The following TSHZ3 variants were observed in gnomAD, a reference collection of about 807,000 sequenced individuals.
The protein encoded by TSHZ3 is teashirt homolog 3.
In TSHZ3, 10 loss-of-function variants were observed where a neutral mutation model predicts 64.5. The ratio of observed to expected loss-of-function variants is 0.16; its 90% CI spans 0.10 to 0.26. The LOEUF (loss-of-function observed/expected upper bound fraction) is 0.26. TSHZ3 is among the 10% of genes least tolerant of loss of function. The pLI, the probability that TSHZ3 is intolerant of heterozygous loss-of-function variation, is 1.00. For synonymous variants in TSHZ3, 608 were observed against 593.1 expected, an observed-to-expected ratio of 1.03 and a Z score of -0.36; for missense variants, 1,242 against 1,421.7, an observed-to-expected ratio of 0.87 and a Z score of 2.03.
chr19:31,230,665 C>T (rs909212742), intron 3 of TSHZ3, among the ~76,000 whole-genome samples: 5 of 150,380 alleles, frequency 3.3e-5, no homozygotes, highest in African/African-American at 7.4e-5. Context: ...TCAGCAGCCC[C>T]ATCACTACCC....
intron 4 of TSHZ3, among the ~76,000 whole-genome samples, chr19:31,212,450 T>C (rs1975269961): frequency 6.6e-6 from 1 of 151,952 alleles, no homozygotes; most frequent in Non-Finnish European, 1.5e-5. Context: ...AGAGTGAAAC[T>C]GTGTCTCAAA....
intron 4 of TSHZ3, among the ~76,000 whole-genome samples, chr19:31,218,458 G>T (rs1975359459): frequency 6.6e-6 from 1 of 152,144 alleles, no homozygotes; most frequent in African/African-American, 2.4e-5. Flanking sequence ...TGGTAGAAAT[G>T]CAAAATGGAA....
At chr19:31,258,471 A>T (rs1000960416) in intron 1 of TSHZ3, among the ~76,000 whole-genome samples, 3 of 151,996 alleles carry the variant, frequency 2.0e-5, no homozygotes, top group Non-Finnish European at 2.9e-5. Context: ...TTCAACAAGC[A>T]CTTCCTATGA....
At chr19:31,222,671 G>A (rs1015262661) in intron 4 of TSHZ3, among the ~76,000 whole-genome samples, 1 of 152,192 alleles carries the variant, frequency 6.6e-6, no homozygotes, top group Non-Finnish European at 1.5e-5. Flanking sequence ...TTAGCACAGG[G>A]ACTTCCTTCA....
chr19:31,309,419 C>T (rs1045130004), intron 1 of TSHZ3, among the ~76,000 whole-genome samples: 6 of 152,170 alleles, frequency 3.9e-5, no homozygotes, highest in African/African-American at 7.2e-5. Flanking sequence ...ACTCTACAGG[C>T]GCAGGAACCC....
At chr19:31,281,305 C>T (rs1256995534) in intron 1 of TSHZ3, among the ~76,000 whole-genome samples, 1 of 152,096 alleles carries the variant, frequency 6.6e-6, no homozygotes, top group African/African-American at 2.4e-5. Context: ...CCCCTCATTC[C>T]TTCCAGGACA....
At chr19:31,160,922 T>C (rs1236904895) in intron 5 of TSHZ3, among the ~76,000 whole-genome samples, 1 of 152,204 alleles carries the variant, frequency 6.6e-6, no homozygotes. Flanking sequence ...TGCTGATATA[T>C]GTATGTCTGT....
upstream of TSHZ3, among the ~76,000 whole-genome samples, chr19:31,349,801 A>G (rs2021653760): frequency 7.0e-6 from 1 of 143,490 alleles, no homozygotes; most frequent in South Asian, 2.3e-4. Flanking sequence ...TCGGCGGTCC[A>G]GTCTTCTGCC....
chr19:31,190,331 A>T (rs1974884029), intron 5 of TSHZ3, among the ~76,000 whole-genome samples: 1 of 152,218 alleles, frequency 6.6e-6, no homozygotes, highest in Non-Finnish European at 1.5e-5. Context: ...CAGAATGTGA[A>T]CTGAATGACA....
intron 5 of TSHZ3, among the ~76,000 whole-genome samples, chr19:31,162,049 C>T (rs891515097): frequency 1.3e-5 from 2 of 152,128 alleles, no homozygotes; most frequent in Non-Finnish European, 2.9e-5. Context: ...ATTTTAGAGC[C>T]CAGGGAACTC....
intron 3 of TSHZ3, among the ~76,000 whole-genome samples, chr19:31,230,676 CT>C: frequency 6.7e-6 from 1 of 150,342 alleles, no homozygotes; most frequent in Admixed American, 6.6e-5. Context: ...ATCACTACCC[CT>C]GCTTCCCATC....
At chr19:31,316,991 C>T (rs1599644465) in intron 1 of TSHZ3, among the ~76,000 whole-genome samples, 1 of 152,216 alleles carries the variant, frequency 6.6e-6, no homozygotes, top group East Asian at 1.9e-4. Context: ...TCTATAAGGG[C>T]CTGGCACCTT....
At chr19:31,350,236 G>C (rs868765011), upstream of TSHZ3, among the ~76,000 whole-genome samples, 535 of 150,560 alleles carry the variant, frequency 3.6e-3, 3 homozygotes, top group African/African-American at 0.012. Flanking sequence ...CGGGGCGGGT[G>C]GGGGCAGCCC....
intron 5 of TSHZ3, among the ~76,000 whole-genome samples, chr19:31,204,192 A>C (rs750613009): frequency 1.3e-5 from 2 of 151,820 alleles, no homozygotes; most frequent in Non-Finnish European, 2.9e-5. Flanking sequence ...GGGTGGGGAC[A>C]CAGAGCAAAA....
intron 5 of TSHZ3, among the ~76,000 whole-genome samples, chr19:31,173,867 C>G (rs930681766): frequency 1.3e-5 from 2 of 152,104 alleles, no homozygotes; most frequent in Non-Finnish European, 2.9e-5. Flanking sequence ...GTTAGGAGCT[C>G]GAGACCAGCT....
rs147877206 is a variant in TSHZ3, at chr19:31,205,176, C to G, written n.687-98G>C. ...AATTGCTCTTTCACAGCTATCAGTC[C>G]CTGAGCAGCCACCCTTCACCAGGTT... On this transcript the variant is annotated intron_variant and non_coding_transcript_variant, in intron 4 of 6. Transcript: ENST00000651361. Among the ~76,000 whole-genome samples, 590 of 152,216 alleles carry G rather than the reference C, an allele frequency of 3.9e-3. 3 individuals are homozygous for G. The highest frequency in any genetic ancestry group is 0.013 in the African/African-American group (556 of 41,528).
At chr19:31,286,105 T>A (rs1976458410) in intron 1 of TSHZ3, among the ~76,000 whole-genome samples, 1 of 152,132 alleles carries the variant, frequency 6.6e-6, no homozygotes, top group Admixed American at 6.5e-5. Flanking sequence ...GCGGAATGGC[T>A]GCACCCGCTT....
At chr19:31,322,593 A>C (rs1188559950) in intron 1 of TSHZ3, among the ~76,000 whole-genome samples, 2 of 151,504 alleles carry the variant, frequency 1.3e-5, no homozygotes, top group African/African-American at 4.9e-5. Flanking sequence ...GCTAACTTTT[A>C]ATGTTTTGTA....
intron 1 of TSHZ3, among the ~76,000 whole-genome samples, chr19:31,344,590 G>A (rs73927357): frequency 0.034 from 5,121 of 152,232 alleles, 284 homozygotes; most frequent in African/African-American, 0.12. Context: ...GCCTCCCCGC[G>A]GGCCTGCCTG....
Sources: allele counts gnomAD v4.1 joint callset (sites outside exome capture counted in the v4.1 genomes callset), GRCh38; gene constraint gnomAD v4.1.1; transcripts MANE v1.5; gene names NCBI Gene and HGNC (gene_info 2026-07-23, HGNC 2026-07-21).